ELOVL6: variants seen among roughly 807,000 people sequenced by gnomAD.
The protein encoded by ELOVL6 is ELOVL fatty acid elongase 6, also known as very long chain fatty acid elongase 6.
A neutral mutation model predicts 31.7 loss-of-function variants in ELOVL6; 8 were observed. The ratio of observed to expected loss-of-function variants is 0.25; its 90% CI spans 0.15 to 0.45. The LOEUF (loss-of-function observed/expected upper bound fraction) is 0.45. Among genes scored for constraint, ELOVL6 ranks in the 20% least tolerant of loss-of-function variants. The probability of loss-of-function intolerance (pLI) is 1.00; values close to 1 mark genes in which losing one functional copy is unlikely to be tolerated. For synonymous variants in ELOVL6, 101 were observed against 117.7 expected (o/e 0.86, Z 0.92); for missense variants, 126 against 326.4 (o/e 0.39, Z 4.73).
chr4:110,159,936 C>G (rs1012988046), intron 1 of ELOVL6, among the ~76,000 whole-genome samples: 6 of 152,090 alleles, frequency 3.9e-5, no homozygotes, highest in Non-Finnish European at 8.8e-5. Flanking sequence ...AAAAAATTTC[C>G]TTTCCTGTGA....
At chr4:110,101,196 T>C (rs1964209) in intron 2 of ELOVL6, among the ~76,000 whole-genome samples, 1 of 151,872 alleles carries the variant, frequency 6.6e-6, no homozygotes, top group African/African-American at 2.4e-5. Context: ...TGTGCCACCA[T>C]GCCTGGCTAA....
At chr4:110,149,762 A>G (rs376759067) in intron 1 of ELOVL6, among the ~76,000 whole-genome samples, 39 of 152,302 alleles carry the variant, frequency 2.6e-4, no homozygotes, top group African/African-American at 8.4e-4. Context: ...GTATAAATAT[A>G]TATCTCTTCC....
intron 2 of ELOVL6, among the ~76,000 whole-genome samples, chr4:110,063,529 T>C (rs1401530931): frequency 1.3e-5 from 2 of 151,502 alleles, no homozygotes; most frequent in Non-Finnish European, 2.9e-5. Flanking sequence ...CTAGCAAGTT[T>C]ACGACAGGAT....
intron 2 of ELOVL6, among the ~76,000 whole-genome samples, chr4:110,072,246 G>T (rs1240713203): frequency 4.6e-5 from 7 of 152,194 alleles, no homozygotes; most frequent in Non-Finnish European, 2.9e-5. Flanking sequence ...GGGAGGCCGA[G>T]GCGTGTGGAT....
Position 110,103,984 on chromosome 4 carries a change from T to C in ELOVL6, c.221+1513A>G, listed in dbSNP as rs1756820273. 1.3e-5 allele frequency among the ~76,000 whole-genome samples: 2 copies of C among 152,204 alleles called. 1 individual carries two copies. The highest frequency in any genetic ancestry group is 3.8e-4 in the East Asian group (2 of 5,204). Reference sequence around the variant, plus strand: ...GAATTATTTCAGCCTCTATTATTAATAGTTCCAAATAATTTGGGGATGAGA... The same window carrying C: ...GAATTATTTCAGCCTCTATTATTAACAGTTCCAAATAATTTGGGGATGAGA... On this transcript the variant is annotated intron_variant, in intron 2 of 3. Transcript: ENST00000302274.
intron 2 of ELOVL6, among the ~76,000 whole-genome samples, chr4:110,084,372 A>G (rs1437849959): frequency 1.5e-5 from 2 of 133,368 alleles, no homozygotes; most frequent in African/African-American, 2.7e-5. Flanking sequence ...CATATATGAT[A>G]TATGATATAT....
In ELOVL6 at chr4:110,195,867, G is replaced by C. The variant is rs140397563; in HGVS notation, c.89+2380C>G. Among the ~76,000 whole-genome samples the C allele has an allele frequency of 3.6e-3, 546 of 152,270 alleles. 12 individuals carry two copies. The highest frequency in any genetic ancestry group is 0.011 in the African/African-American group (460 of 41,552). On this transcript the variant is annotated intron_variant, in intron 1 of 3. Coordinates refer to ENST00000302274, the MANE Select transcript of ELOVL6 (RefSeq NM_024090.3). ...AATCAAGAGTGGGATGACAAGAACCGTAACCTGAAGAGCTGATGGTCTGTA... is the reference window on the plus strand; with the variant it reads ...AATCAAGAGTGGGATGACAAGAACCCTAACCTGAAGAGCTGATGGTCTGTA...
intron 2 of ELOVL6, among the ~76,000 whole-genome samples, chr4:110,101,539 TGA>T (rs1402287358): frequency 6.6e-6 from 1 of 152,186 alleles, no homozygotes; most frequent in Non-Finnish European, 1.5e-5. Context: ...TATGCAAAAT[TGA>T]GAGTTGTCCA....
chr4:110,163,452 A>G (rs1326902137), intron 1 of ELOVL6, among the ~76,000 whole-genome samples: 2 of 152,240 alleles, frequency 1.3e-5, no homozygotes, highest in East Asian at 3.8e-4. Flanking sequence ...GTCTCTGAGA[A>G]CAGCGGCCTT....
At chr4:110,080,804 C>T (rs570595765) in intron 2 of ELOVL6, among the ~76,000 whole-genome samples, 140 of 152,144 alleles carry the variant, frequency 9.2e-4, no homozygotes, top group African/African-American at 3.3e-3. Context: ...GTCAAATTGT[C>T]CCTGTTTGCA....
chr4:110,171,546 G>T (rs1301451604), intron 1 of ELOVL6, among the ~76,000 whole-genome samples: 1 of 152,014 alleles, frequency 6.6e-6, no homozygotes, highest in Non-Finnish European at 1.5e-5. Flanking sequence ...GATTGGGTTT[G>T]GAGAATTTCC....
At chr4:110,095,610 AG>A (rs1756559683) in intron 2 of ELOVL6, among the ~76,000 whole-genome samples, 2 of 152,190 alleles carry the variant, frequency 1.3e-5, no homozygotes. Context: ...AGGTGAGTCA[AG>A]GCAAGATTGT....
At chr4:110,130,044 T>C (rs980087002) in intron 1 of ELOVL6, among the ~76,000 whole-genome samples, 6 of 151,852 alleles carry the variant, frequency 4.0e-5, no homozygotes, top group Middle Eastern at 3.4e-3. Flanking sequence ...TCTACAGTCA[T>C]GCGCCACCAT....
At chr4:110,066,639 A>G (rs1161567109) in intron 2 of ELOVL6, among the ~76,000 whole-genome samples, 1 of 85,270 alleles carries the variant, frequency 1.2e-5, no homozygotes, top group East Asian at 3.3e-4. Flanking sequence ...TGTCTCAACA[A>G]AAAAAAAAAA....
chr4:110,112,183 A>G (rs1204848670), intron 1 of ELOVL6, among the ~76,000 whole-genome samples: 1 of 152,202 alleles, frequency 6.6e-6, no homozygotes, highest in South Asian at 2.1e-4. Flanking sequence ...ATGTTCACAG[A>G]GAAACTTGGT....
intron 1 of ELOVL6, among the ~76,000 whole-genome samples, chr4:110,158,658 T>TATATATATATA (rs35622604): frequency 1.8e-3 from 106 of 59,456 alleles, no homozygotes; most frequent in African/African-American, 9.7e-3. Flanking sequence ...TATATATATA[T>TATATATATATA]TTTTTTTTTT....
chr4:110,156,415 G>A (rs1758417810), intron 1 of ELOVL6, among the ~76,000 whole-genome samples: 1 of 152,130 alleles, frequency 6.6e-6, no homozygotes, highest in African/African-American at 2.4e-5. Context: ...GTTCTGGCTG[G>A]GCACAGTGGC....
At chr4:110,182,330 CTAA>C (rs1459090750) in intron 1 of ELOVL6, among the ~76,000 whole-genome samples, 1 of 152,162 alleles carries the variant, frequency 6.6e-6, no homozygotes, top group African/African-American at 2.4e-5. Context: ...CCTCCTCAGT[CTAA>C]GAAAGCAAAT....
intron 1 of ELOVL6, among the ~76,000 whole-genome samples, chr4:110,178,348 C>T (rs1308436430): frequency 6.6e-6 from 1 of 152,062 alleles, no homozygotes; most frequent in Non-Finnish European, 1.5e-5. Context: ...GAGTTCGAGA[C>T]CAGCCTGTCC....
Sources: gnomAD v4.1 joint callset for allele counts (sites outside exome capture counted in the v4.1 genomes callset) on GRCh38, gnomAD v4.1.1 for gene constraint, MANE v1.5 for transcripts, NCBI Gene and HGNC (gene_info 2026-07-23, HGNC 2026-07-21) for gene names.